Variants in KCNK1 observed in about 807,000 individuals in gnomAD.
KCNK1 encodes the protein potassium two pore domain channel subfamily K member 1, also known as potassium channel subfamily K member 1.
Under a neutral mutation model 22.2 loss-of-function variants are expected in KCNK1, and 10 were observed. The observed-to-expected ratio is 0.45, with a 90% CI of 0.28 to 0.76. KCNK1 has a LOEUF of 0.76. Among genes scored for constraint, KCNK1 ranks in the 30% least tolerant of loss-of-function variants. The pLI, the probability that KCNK1 is intolerant of heterozygous loss-of-function variation, is 0.14. For missense variants in KCNK1, 378 were observed against 421.0 expected, an observed-to-expected ratio of 0.90 and a Z score of 0.89; for synonymous variants, 200 against 186.4, an observed-to-expected ratio of 1.07 and a Z score of -0.60.
intron 2 of KCNK1, 60 bp from the exon 3 acceptor site, chr1:233,671,211 T>C: frequency 6.7e-7 from 1 of 1,494,468 alleles, no homozygotes; most frequent in Non-Finnish European, 9.3e-7. Context: ...GGTAAATCAC[T>C]CGCTACTTGA....
chr1:233,642,709 C>T (rs1003688207), intron 1 of KCNK1, among the ~76,000 whole-genome samples: 5 of 152,024 alleles, frequency 3.3e-5, no homozygotes, highest in Non-Finnish European at 5.9e-5. Flanking sequence ...AACACAGCAG[C>T]GGTGATAGAG....
rs1318554113 is a variant in KCNK1, at chr1:233,671,297, A to G, written c.778A>G (p.Met260Val). The G allele has an allele frequency of 1.2e-6, 2 of 1,614,082 alleles. No individual in the cohort carries two copies. The highest frequency in any genetic ancestry group is 2.2e-5 in the East Asian group (1 of 44,904). ...TTACCTGCTACTTGGCCTTATTGCC[A>G]TGTTGGTAGTTCTGGAAACCTTCTG... ...TCYLLLGLIAMLVVLETFCEL... is the reference protein window; with the variant it reads ...TCYLLLGLIAVLVVLETFCEL... Residue 260 changes from methionine to valine, a missense_variant, in exon 3 of 3, where the codon ATG becomes GTG. Transcript: ENST00000366621.
chr1:233,630,785 C>G (rs1657778112), intron 1 of KCNK1: 1 of 154,828 alleles, frequency 6.5e-6, no homozygotes, highest in Non-Finnish European at 1.4e-5. Context: ...CACTCATGCC[C>G]AAGTCTGGAG....
rs1398933092 is a variant in KCNK1 at position 233,614,507 on chromosome 1, C to T, written c.336C>T (p.Ser112=). 3.7e-6 allele frequency: 6 copies of T among 1,602,014 alleles called. No homozygotes were observed. The highest frequency in any genetic ancestry group is 4.3e-6 in the Non-Finnish European group (5 of 1,174,038). ...WDFTSALFFA[S]TVLSTTGYGH... ...TCACCTCCGCGCTCTTCTTCGCCAG[C>T]ACCGTGCTCTCCACCACAGGTAGGG... Residue 112 remains serine (S), a synonymous_variant, in exon 1 of 3, where the codon AGC becomes AGT. Coordinates refer to ENST00000366621, the MANE Select transcript of KCNK1 (RefSeq NM_002245.4).
intron 1 of KCNK1, among the ~76,000 whole-genome samples, chr1:233,627,158 G>A (rs141038579): frequency 0.019 from 2,932 of 152,148 alleles, 46 homozygotes; most frequent in Middle Eastern, 0.054. Context: ...TTACTGCATT[G>A]TTGCTTTACT....
chr1:233,661,041 G>A (rs981890805), intron 1 of KCNK1, among the ~76,000 whole-genome samples: 2 of 152,108 alleles, frequency 1.3e-5, no homozygotes, highest in African/African-American at 4.8e-5. Flanking sequence ...TGTTATGAAG[G>A]TTCACAATTA....
At chr1:233,651,213 A>G (rs16859375) in intron 1 of KCNK1, among the ~76,000 whole-genome samples, 4,450 of 152,248 alleles carry the variant, frequency 0.029, 220 homozygotes, top group African/African-American at 0.1. Flanking sequence ...CTTGAAGGAA[A>G]AGAAATCTAA....
chr1:233,671,378 G>A lies in KCNK1; in HGVS notation c.859G>A (p.Asp287Asn), dbSNP rs2102914595. ...AATGTTCTATGTGAAGAAGGACAAG[G>A]ACGAGGATCAGGTGCACATCATAGA... ...RKMFYVKKDK[D>N]EDQVHIIEHD... Residue 287 changes from aspartate to asparagine, a missense_variant, in exon 3 of 3, where the codon GAC becomes AAC. Asp to Asn is a conservative substitution (Grantham distance 23). Coordinates refer to ENST00000366621, the MANE Select transcript of KCNK1 (RefSeq NM_002245.4). The A allele has an allele frequency of 6.2e-7, 1 of 1,614,202 alleles. No individual in the cohort carries two copies. Among genetic ancestry groups the A allele is most frequent in the East Asian group, 2.2e-5 (1 of 44,884 alleles).
intron 1 of KCNK1, among the ~76,000 whole-genome samples, chr1:233,626,051 G>C (rs972723255): frequency 2.0e-5 from 3 of 151,996 alleles, no homozygotes; most frequent in African/African-American, 4.8e-5. Flanking sequence ...CGTTCACTCT[G>C]GCTGGTGTAG....
At chr1:233,620,774 G>A (rs1657572477) in intron 1 of KCNK1, among the ~76,000 whole-genome samples, 1 of 152,006 alleles carries the variant, frequency 6.6e-6, no homozygotes, top group Non-Finnish European at 1.5e-5. Flanking sequence ...AATTACAGAG[G>A]GAAAGGCACA....
At chr1:233,631,646 A>T (rs760887805) in intron 1 of KCNK1, among the ~76,000 whole-genome samples, 1 of 152,122 alleles carries the variant, frequency 6.6e-6, no homozygotes, top group Non-Finnish European at 1.5e-5. Context: ...ACACAGTAAG[A>T]CAATTCATTT....
chr1:233,622,669 G>GAGAT (rs1313081203), intron 1 of KCNK1, among the ~76,000 whole-genome samples: 1 of 152,202 alleles, frequency 6.6e-6, no homozygotes, highest in Non-Finnish European at 1.5e-5. Flanking sequence ...TAGGGAGTTG[G>GAGAT]AGATGTAGAG....
chr1:233,668,351 A>G (rs1186138945), intron 2 of KCNK1, among the ~76,000 whole-genome samples: 1 of 152,222 alleles, frequency 6.6e-6, no homozygotes, highest in Non-Finnish European at 1.5e-5. Flanking sequence ...CCTTTAAACC[A>G]TGGGCTCAGC....
chr1:233,649,935 T>C (rs1257271087), intron 1 of KCNK1: 1 of 533,330 alleles, frequency 1.9e-6, no homozygotes, highest in Non-Finnish European at 3.8e-6. Context: ...TGCCACTAAA[T>C]GATGGGTCCT....
intron 1 of KCNK1, among the ~76,000 whole-genome samples, chr1:233,641,379 A>G (rs546077888): frequency 6.2e-4 from 95 of 152,322 alleles, no homozygotes; most frequent in African/African-American, 2.0e-3. Flanking sequence ...AGAGATACAG[A>G]TAGACTCAGT....
rs115472144 is a variant in KCNK1 at position 233,622,551 on chromosome 1, G to A, written c.355+8025G>A. On this transcript the variant is annotated intron_variant, in intron 1 of 2. Transcript: ENST00000366621. ...TGACTTTCTTTGTTTCTTTTGCATG[G>A]ATCCCTTATTTTTTGTTCAATCCCC... 2.2e-3 allele frequency among the ~76,000 whole-genome samples: 336 copies of A among 152,244 alleles called. 1 individual carries two copies. Among genetic ancestry groups the A allele is most frequent in the Middle Eastern group, 6.8e-3 (2 of 294 alleles).
At position 233,671,722 on chromosome 1, in the gene KCNK1, T is replaced by C. The variant is rs1296027994; in HGVS notation, c.*192T>C. The stretch of plus-strand genomic sequence containing the variant: ...CAAAGAAGCTGTGACCCCAGCAGGA[T>C]GTCTAATATGTGAGGAAATGAGATG... On this transcript the variant is annotated 3_prime_UTR_variant, in exon 3 of 3. Coordinates refer to ENST00000366621, the MANE Select transcript of KCNK1 (RefSeq NM_002245.4). 8 of 630,964 alleles carry C rather than the reference T, an allele frequency of 1.3e-5. No individual in the cohort carries two copies. The highest frequency in any genetic ancestry group is 1.9e-5 in the Non-Finnish European group (7 of 370,992). The allele number at this position is 630,964 out of a possible 1,614,324, so 39.1% of individuals were successfully genotyped here. A position where few individuals can be genotyped will look rare whatever the true frequency, so the allele number is the denominator to read the frequency against.
At chr1:233,649,486 C>G (rs1046733916) in intron 1 of KCNK1, among the ~76,000 whole-genome samples, 3 of 152,182 alleles carry the variant, frequency 2.0e-5, no homozygotes, top group Non-Finnish European at 4.4e-5. Flanking sequence ...AGAAATATGT[C>G]TTAATCCCTT....
Position 233,666,757 on chromosome 1 carries a change from G to A in KCNK1, c.518G>A (p.Gly173Asp). Residue 173 changes from glycine (G) to aspartate (D), a missense_variant, in exon 2 of 3, where the codon GGC becomes GAC. By Grantham distance (94) the Gly-to-Asp change is moderately conservative. Transcript: ENST00000366621. ...RPVLYFHIRW[G>D]FSKQVVAIVH... ...GTCCTCTACTTCCACATCCGCTGGG[G>A]CTTCTCCAAGCAGGTGGTGGCCATC... 1 of 1,614,212 alleles carries A rather than the reference G, an allele frequency of 6.2e-7. No homozygotes were observed. The highest frequency in any genetic ancestry group is 8.5e-7 in the Non-Finnish European group (1 of 1,180,042).
Sources: allele counts gnomAD v4.1 joint callset (sites outside exome capture counted in the v4.1 genomes callset), GRCh38; gene constraint gnomAD v4.1.1; transcripts MANE v1.5; gene names NCBI Gene and HGNC (gene_info 2026-07-23, HGNC 2026-07-21).